Variants in RAB2A observed in about 807,000 individuals in gnomAD.
RAB2A encodes the protein ras-related protein Rab-2A.
In RAB2A, 7 loss-of-function variants were observed where a neutral mutation model predicts 32.5. That is an observed-to-expected ratio of 0.22 (90% confidence interval 0.12 to 0.40). The LOEUF is 0.40. Ranked by LOEUF, RAB2A falls within the 10% of genes least tolerant of loss-of-function variation. The probability of loss-of-function intolerance (pLI) is 1.00; values close to 1 mark genes in which losing one functional copy is unlikely to be tolerated. For missense variants in RAB2A, 108 were observed against 260.7 expected (o/e 0.41, Z 4.03); for synonymous variants, 79 against 85.2 (o/e 0.93, Z 0.40).
intron 1 of RAB2A, among the ~76,000 whole-genome samples, chr8:60,547,751 T>G (rs1475952690): frequency 1.1e-3 from 64 of 60,532 alleles, no homozygotes; most frequent in South Asian, 2.8e-3. Context: ...CCAGGCAGAG[T>G]GGCTCCTCAC....
chr8:60,588,743 A>G (rs920174685), intron 5 of RAB2A, among the ~76,000 whole-genome samples: 3 of 152,218 alleles, frequency 2.0e-5, no homozygotes, highest in Non-Finnish European at 4.4e-5. Flanking sequence ...ACGGGCTTAC[A>G]TATCTTAAAA....
At chr8:60,566,521 C>T (rs1808116189) in intron 2 of RAB2A, among the ~76,000 whole-genome samples, 1 of 151,938 alleles carries the variant, frequency 6.6e-6, no homozygotes, top group African/African-American at 2.4e-5. Flanking sequence ...TTGCTGTATG[C>T]AAAAATTACA....
At chr8:60,556,652 A>G (rs914203697) in intron 1 of RAB2A, among the ~76,000 whole-genome samples, 227 of 151,246 alleles carry the variant, frequency 1.5e-3, no homozygotes, top group African/African-American at 5.4e-3. Flanking sequence ...AAAAAAAAAA[A>G]AAAAAAAAAA....
chr8:60,618,778 G>A (rs1271315677), intron 7 of RAB2A, 130 bp downstream of exon 7: 1 of 298,744 alleles, frequency 3.3e-6, no homozygotes, highest in African/African-American at 2.3e-5. Flanking sequence ...ATGATAATCA[G>A]TTAACACCAT....
At chr8:60,607,112 A>G (rs1311556265) in intron 6 of RAB2A, among the ~76,000 whole-genome samples, 3 of 140,984 alleles carry the variant, frequency 2.1e-5, no homozygotes, top group Admixed American at 1.4e-4. Flanking sequence ...TTTCGGGTCA[A>G]TTGTCTTTTT....
chr8:60,547,257 T>G (rs2130821474), intron 1 of RAB2A, among the ~76,000 whole-genome samples: 1 of 152,350 alleles, frequency 6.6e-6, no homozygotes, highest in Non-Finnish European at 1.5e-5. Context: ...AGAATTTTTC[T>G]TAGTACAGAA....
chr8:60,518,596 CAAAAAAAA>C (rs59503766), intron 1 of RAB2A, among the ~76,000 whole-genome samples: 9,845 of 45,046 alleles, frequency 0.22, 349 homozygotes, highest in East Asian at 0.44. Context: ...GTGGAGTTTG[CAAAAAAAA>C]AAAAAAAAAA....
chr8:60,610,029 G>A (rs1184683371), intron 6 of RAB2A, among the ~76,000 whole-genome samples: 1 of 150,012 alleles, frequency 6.7e-6, no homozygotes, highest in African/African-American at 2.5e-5. Flanking sequence ...TCTTCCTTCA[G>A]TAGCTGCCTG....
chr8:60,592,511 T>TC (rs919461847), intron 6 of RAB2A, among the ~76,000 whole-genome samples: 5 of 151,120 alleles, frequency 3.3e-5, no homozygotes, highest in African/African-American at 1.2e-4. Context: ...TCTGCTTATT[T>TC]TTTTAATTTT....
chr8:60,600,982 A>AT (rs1335144648), intron 6 of RAB2A, among the ~76,000 whole-genome samples: 2 of 152,242 alleles, frequency 1.3e-5, no homozygotes, highest in African/African-American at 4.8e-5. Flanking sequence ...CTGCATGTGA[A>AT]TCTGTAATTA....
intron 1 of RAB2A, among the ~76,000 whole-genome samples, chr8:60,529,971 C>G (rs1243435592): frequency 6.6e-6 from 1 of 151,986 alleles, no homozygotes; most frequent in African/African-American, 2.4e-5. Context: ...CATTCTGGTT[C>G]TGTGTCACCT....
At chr8:60,605,025 G>A (rs1317871594) in intron 6 of RAB2A, among the ~76,000 whole-genome samples, 2 of 152,182 alleles carry the variant, frequency 1.3e-5, no homozygotes, top group Non-Finnish European at 2.9e-5. Flanking sequence ...AGGCTCAGAG[G>A]CCTAGGAAGG....
intron 3 of RAB2A, 72 bp from the exon 4 acceptor site, chr8:60,584,136 G>T: frequency 8.2e-7 from 1 of 1,219,070 alleles, no homozygotes; most frequent in Non-Finnish European, 1.2e-6. Context: ...CTCTTATTCT[G>T]TATATGAATA....
At chr8:60,536,109 C>T (rs916973053) in intron 1 of RAB2A, among the ~76,000 whole-genome samples, 5 of 152,188 alleles carry the variant, frequency 3.3e-5, no homozygotes, top group Non-Finnish European at 7.3e-5. Flanking sequence ...TTGATAGGTA[C>T]TGCCAAATTA....
At chr8:60,603,195 T>C (rs1213093510) in intron 6 of RAB2A, among the ~76,000 whole-genome samples, 1 of 152,206 alleles carries the variant, frequency 6.6e-6, no homozygotes, top group Non-Finnish European at 1.5e-5. Flanking sequence ...TCTTAAAAGA[T>C]TTTTTAGACT....
intron 3 of RAB2A, among the ~76,000 whole-genome samples, chr8:60,572,472 T>C (rs1361431083): frequency 1.3e-5 from 2 of 152,240 alleles, no homozygotes; most frequent in African/African-American, 4.8e-5. Flanking sequence ...TTCAGGCTTA[T>C]TATTTTAAAT....
chr8:60,612,691 G>C lies in RAB2A; in HGVS notation c.475-5889G>C, dbSNP rs548923026. Reference sequence around the variant, plus strand: ...TGGGCAAGTCGTTTCTCCTTTTGCAGCTCAGTCATATCTACAAAATGAGAA... The same window carrying C: ...TGGGCAAGTCGTTTCTCCTTTTGCACCTCAGTCATATCTACAAAATGAGAA... On this transcript the variant is annotated intron_variant, in intron 6 of 7. Transcript: ENST00000262646. 1.2e-4 allele frequency among the ~76,000 whole-genome samples: 19 copies of C among 152,286 alleles called. No homozygotes were observed. In the South Asian group the frequency reaches 3.3e-3, roughly 27 times the overall value.
chr8:60,593,851 G>A (rs1251994278), intron 6 of RAB2A, among the ~76,000 whole-genome samples: 2 of 151,708 alleles, frequency 1.3e-5, no homozygotes, highest in Non-Finnish European at 2.9e-5. Context: ...TGAAACAGAA[G>A]AGTCTTAGCA....
chr8:60,530,541 C>T lies in RAB2A; in HGVS notation c.46+13288C>T, dbSNP rs1308109695. ...CTGGGCTCAGGTGATCCTCCCACCT[C>T]GGCCTTCCAAAGTGTTGGATTACAA... On this transcript the variant is annotated intron_variant, in intron 1 of 7. Transcript: ENST00000262646. 2.6e-5 allele frequency among the ~76,000 whole-genome samples: 4 copies of T among 152,094 alleles called. No homozygotes were observed. The South Asian group carries it at 6.2e-4, about 24-fold the overall frequency.
Sources: allele counts gnomAD v4.1 joint callset (sites outside exome capture counted in the v4.1 genomes callset), GRCh38; gene constraint gnomAD v4.1.1; transcripts MANE v1.5; gene names NCBI Gene and HGNC (gene_info 2026-07-23, HGNC 2026-07-21).